The following DMD variants were observed in gnomAD, a reference collection of about 807,000 sequenced individuals.
DMD encodes the protein dystrophin.
A neutral mutation model predicts 330.1 loss-of-function variants in DMD; 63 were observed. The observed-to-expected ratio is 0.19, with a 90% confidence interval of 0.16 to 0.24. The LOEUF (loss-of-function observed/expected upper bound fraction) is 0.24, where lower values mean the gene tolerates loss of function less well. Among genes scored for constraint, DMD ranks in the 10% least tolerant of loss-of-function variants. The pLI, the probability that DMD is intolerant of heterozygous loss-of-function variation, is 1.00. For missense variants in DMD, 3,344 were observed against 2,684.1 expected (o/e 1.25, Z -5.43); for synonymous variants, 1,223 against 959.8 (o/e 1.27, Z -5.07).
At chrX:32,653,793 T>A (rs1284252894) in intron 9 of DMD, among the ~76,000 whole-genome samples, 2 of 112,167 alleles carry the variant, frequency 1.8e-5, no homozygotes, top group Non-Finnish European at 3.8e-5. Context: ...TCCATGAGCA[T>A]AGAATGTTCT....
At chrX:31,672,802 G>A (rs1474542716) in intron 53 of DMD, among the ~76,000 whole-genome samples, 3 of 111,555 alleles carry the variant, frequency 2.7e-5, no homozygotes, top group African/African-American at 6.5e-5. Flanking sequence ...TCTAGATCCC[G>A]CAAGAACATG....
intron 12 of DMD, among the ~76,000 whole-genome samples, chrX:32,611,912 A>G (rs2057205363): frequency 8.9e-6 from 1 of 112,052 alleles, no homozygotes; most frequent in South Asian, 3.6e-4. Flanking sequence ...AAGTAAAGAT[A>G]CAGAGAACCT....
At chrX:32,509,880 C>A (rs1322112049) in intron 18 of DMD, among the ~76,000 whole-genome samples, 1 of 110,640 alleles carries the variant, frequency 9.0e-6, no homozygotes, top group African/African-American at 3.3e-5. Flanking sequence ...TCCTCCACTC[C>A]CCTCTCTCTC....
intron 44 of DMD, among the ~76,000 whole-genome samples, chrX:32,101,711 T>C (rs1232837072): frequency 8.9e-6 from 1 of 111,914 alleles, no homozygotes; most frequent in African/African-American, 3.2e-5. Flanking sequence ...TTTACCAATA[T>C]AACAATTATA....
At chrX:32,959,053 G>T (rs2091757622) in intron 2 of DMD, among the ~76,000 whole-genome samples, 1 of 111,607 alleles carries the variant, frequency 9.0e-6, no homozygotes, top group African/African-American at 3.2e-5. Flanking sequence ...TTACAAATAT[G>T]TTCATTTTAT....
At chrX:32,652,151 T>C (rs1202244240) in intron 9 of DMD, among the ~76,000 whole-genome samples, 1 of 111,547 alleles carries the variant, frequency 9.0e-6, no homozygotes, top group African/African-American at 3.3e-5. Context: ...TCTTTTTTTT[T>C]ATACTTTAAA....
intron 15 of DMD, among the ~76,000 whole-genome samples, chrX:32,570,948 C>A (rs766889689): frequency 1.6e-4 from 18 of 111,886 alleles, no homozygotes; most frequent in Admixed American, 3.8e-4. Flanking sequence ...AATAACTGTA[C>A]TATTCTGGCA....
intron 44 of DMD, among the ~76,000 whole-genome samples, chrX:32,049,480 C>A (rs1306183420): frequency 9.0e-6 from 1 of 111,257 alleles, no homozygotes; most frequent in East Asian, 2.8e-4. Flanking sequence ...CAAAAAGGCT[C>A]TCTGGACCCC....
At chrX:33,043,744 T>C (rs893303734) in intron 1 of DMD, among the ~76,000 whole-genome samples, 1 of 111,013 alleles carries the variant, frequency 9.0e-6, no homozygotes. Context: ...GCAGGTTTAT[T>C]ACATATGTAT....
At chrX:32,533,135 G>C (rs776457033) in intron 17 of DMD, among the ~76,000 whole-genome samples, 11 of 110,928 alleles carry the variant, frequency 9.9e-5, no homozygotes, top group Non-Finnish European at 2.1e-4. Flanking sequence ...TGAAACCAAG[G>C]TAAGATGGCC....
In DMD at chrX:31,267,330, A is replaced by G. The variant is rs530287775; in HGVS notation, c.9225-6314T>C. ...ATAAAAGAAAAAAATTATATACATA[A>G]TTCTCACTCTCCCTTCCTCCTCAGT... On this transcript the variant is annotated intron_variant, in intron 62 of 78. Transcript: ENST00000357033. 4.2e-4 allele frequency among the ~76,000 whole-genome samples: 47 copies of G among 111,915 alleles called. No individual in the cohort carries two copies. In the South Asian group the frequency reaches 0.017, roughly 42 times the overall value.
At chrX:32,691,701 G>A (rs1420127567) in intron 9 of DMD, among the ~76,000 whole-genome samples, 4 of 111,448 alleles carry the variant, frequency 3.6e-5, no homozygotes, top group African/African-American at 1.3e-4. Flanking sequence ...AGGGATACCT[G>A]CAATGCCATG....
intron 44 of DMD, among the ~76,000 whole-genome samples, chrX:31,985,987 G>A (rs2095506511): frequency 9.0e-6 from 1 of 111,414 alleles, no homozygotes; most frequent in African/African-American, 3.3e-5. Flanking sequence ...TGACGCTCCC[G>A]AGTCAGGAAG....
intron 7 of DMD, among the ~76,000 whole-genome samples, chrX:32,799,232 C>T (rs1478662661): frequency 1.8e-5 from 2 of 110,883 alleles, no homozygotes; most frequent in Non-Finnish European, 3.8e-5. Context: ...AAATAGAATC[C>T]GTGTCACCAT....
At chrX:32,185,461 G>A (rs1008237107) in intron 44 of DMD, among the ~76,000 whole-genome samples, 3 of 111,507 alleles carry the variant, frequency 2.7e-5, no homozygotes, top group Non-Finnish European at 5.7e-5. Flanking sequence ...ATATGGATTT[G>A]ATTCTCTGCT....
At chrX:32,491,143 T>G in intron 20 of DMD, 134 bp downstream of exon 20, 2 of 809,162 alleles carry the variant, frequency 2.5e-6, no homozygotes, top group Non-Finnish European at 3.7e-6. Context: ...GCTTACATTT[T>G]GAACTTTATT....
chrX:32,213,319 T>G, intron 44 of DMD, among the ~76,000 whole-genome samples: 1 of 112,353 alleles, frequency 8.9e-6, no homozygotes, highest in Non-Finnish European at 1.9e-5. Flanking sequence ...TATTAGTCAA[T>G]CAACAAAGGC....
chrX:32,711,502 A>G (rs758906570), intron 7 of DMD, among the ~76,000 whole-genome samples: 122 of 111,704 alleles, frequency 1.1e-3, no homozygotes, highest in Non-Finnish European at 2.1e-3. Flanking sequence ...CTCAGAGAAA[A>G]CACATCCCAT....
chrX:31,372,133 G>C (rs1201864356), intron 60 of DMD, among the ~76,000 whole-genome samples: 1 of 111,501 alleles, frequency 9.0e-6, no homozygotes, highest in Non-Finnish European at 1.9e-5. Flanking sequence ...AAACGGCTTA[G>C]GGGCAGAGAC....
Sources: gnomAD v4.1 joint callset for allele counts (sites outside exome capture counted in the v4.1 genomes callset) on GRCh38, gnomAD v4.1.1 for gene constraint, MANE v1.5 for transcripts, NCBI Gene and HGNC (gene_info 2026-07-23, HGNC 2026-07-21) for gene names.